The following DPYD variants were observed in gnomAD, a reference collection of about 807,000 sequenced individuals.
The protein encoded by DPYD is dihydropyrimidine dehydrogenase [NADP(+)].
DPYD carries 109 observed loss-of-function variants against 116.2 expected under a neutral mutation model. That is an observed-to-expected ratio of 0.94 (90% CI 0.80 to 1.10). DPYD has a LOEUF of 1.10. Ranked by LOEUF, DPYD falls within the 50% of genes least tolerant of loss-of-function variation. The pLI, the probability that DPYD is intolerant of heterozygous loss-of-function variation, is 0.00. For synonymous variants in DPYD, 440 were observed against 432.0 expected, an observed-to-expected ratio of 1.02 and a Z score of -0.23; for missense variants, 1,302 against 1,254.5, an observed-to-expected ratio of 1.04 and a Z score of -0.57.
chr1:97,540,499 C>A (rs899154123), intron 12 of DPYD, among the ~76,000 whole-genome samples: 1 of 152,184 alleles, frequency 6.6e-6, no homozygotes, highest in African/African-American at 2.4e-5. Flanking sequence ...GCCCCCAGAG[C>A]AGAAGCTTCT....
intron 16 of DPYD, among the ~76,000 whole-genome samples, chr1:97,363,107 A>G (rs898348799): frequency 4.6e-5 from 7 of 152,200 alleles, no homozygotes; most frequent in African/African-American, 1.4e-4. Flanking sequence ...AATTTACAAG[A>G]AAAAAACATA....
intron 18 of DPYD, among the ~76,000 whole-genome samples, chr1:97,245,183 C>T (rs866028670): frequency 6.6e-6 from 1 of 152,068 alleles, no homozygotes; most frequent in African/African-American, 2.4e-5. Context: ...ATTTTACAGA[C>T]ATGGAAATTC....
In DPYD at chr1:97,911,462, C is replaced by T. The variant is rs72981729; in HGVS notation, c.39+9422G>A. Among the ~76,000 whole-genome samples, 969 of 152,104 alleles carry T rather than the reference C, an allele frequency of 6.4e-3. 7 individuals carry two copies. The highest frequency in any genetic ancestry group is 0.022 in the African/African-American group (914 of 41,506). ...TTAAAATGTAGCAAAAATCAAGAGTCATTTTGGTTGGCACACCCAAGGAAG... is the reference window on the plus strand; with the variant it reads ...TTAAAATGTAGCAAAAATCAAGAGTTATTTTGGTTGGCACACCCAAGGAAG... On this transcript the variant is annotated intron_variant, in intron 1 of 22. Transcript: ENST00000370192.
At chr1:97,113,077 C>A (rs1221838000) in intron 20 of DPYD, among the ~76,000 whole-genome samples, 5 of 152,130 alleles carry the variant, frequency 3.3e-5, no homozygotes, top group Non-Finnish European at 5.9e-5. Flanking sequence ...GTTTTCAGAA[C>A]ATTGTGGTCA....
At chr1:97,618,651 G>A (rs185064940) in intron 8 of DPYD, among the ~76,000 whole-genome samples, 2 of 152,220 alleles carry the variant, frequency 1.3e-5, no homozygotes, top group East Asian at 3.9e-4. Context: ...GCCAGTCTAT[G>A]GCTACACAAC....
At chr1:97,843,820 G>T (rs2101542053) in intron 2 of DPYD, among the ~76,000 whole-genome samples, 1 of 152,130 alleles carries the variant, frequency 6.6e-6, no homozygotes, top group African/African-American at 2.4e-5. Context: ...CTAGGCATCT[G>T]CCCTCATAAG....
rs1388320355 is a variant in DPYD at position 97,548,611 on chromosome 1, C to G, written c.1524+949G>C. Among the ~76,000 whole-genome samples, 15 of 152,174 alleles carry G rather than the reference C, an allele frequency of 9.9e-5. No homozygotes were observed. In the East Asian group the frequency reaches 2.1e-3, roughly 22 times the overall value. On this transcript the variant is annotated intron_variant, in intron 12 of 22. Coordinates refer to ENST00000370192, the MANE Select transcript of DPYD (RefSeq NM_000110.4). ...AATTAGCTGGGTGTGGTGGCATGAACCTATAGTCCCAGCTACTCAGGGGCT... is the reference window on the plus strand; with the variant it reads ...AATTAGCTGGGTGTGGTGGCATGAAGCTATAGTCCCAGCTACTCAGGGGCT...
intron 4 of DPYD, among the ~76,000 whole-genome samples, chr1:97,724,914 A>G (rs931846041): frequency 9.5e-5 from 14 of 147,716 alleles, no homozygotes; most frequent in Non-Finnish European, 1.7e-4. Flanking sequence ...AGAGATAGAG[A>G]AGAAGAGAGA....
intron 20 of DPYD, among the ~76,000 whole-genome samples, chr1:97,160,200 A>G (rs1304265500): frequency 6.6e-6 from 1 of 152,132 alleles, no homozygotes; most frequent in African/African-American, 2.4e-5. Flanking sequence ...TCTTATTTAA[A>G]GGACATGGAA....
chr1:97,483,322 G>T (rs1570809445), intron 13 of DPYD, among the ~76,000 whole-genome samples: 1 of 152,168 alleles, frequency 6.6e-6, no homozygotes, highest in Non-Finnish European at 1.5e-5. Context: ...ACGCTCTCCA[G>T]TTGCTTCCTG....
chr1:97,708,661 A>G (rs1050624950), intron 5 of DPYD, among the ~76,000 whole-genome samples: 1 of 152,044 alleles, frequency 6.6e-6, no homozygotes, highest in South Asian at 2.1e-4. Context: ...CAGTTTGTCA[A>G]TATCTATAAA....
In DPYD at chr1:97,434,795, A is replaced by C. The variant is rs191090618; in HGVS notation, c.1905+15264T>G. Among the ~76,000 whole-genome samples the C allele has an allele frequency of 3.5e-3, 526 of 152,194 alleles. 6 individuals carry two copies. The highest frequency in any genetic ancestry group is 4.2e-3 in the Non-Finnish European group (283 of 67,918). ...AGAAAATACAGTTTCTTAGCAGAAC[A>C]GTGGGGACTGTGTGGTCAGATGTTC... On this transcript the variant is annotated intron_variant, in intron 14 of 22. Transcript: ENST00000370192.
At chr1:97,226,308 T>C (rs1661157510) in intron 19 of DPYD, among the ~76,000 whole-genome samples, 1 of 152,154 alleles carries the variant, frequency 6.6e-6, no homozygotes, top group African/African-American at 2.4e-5. Flanking sequence ...GTTGAAAGCT[T>C]TTCTTCTAAT....
In DPYD at chr1:97,799,207, A is replaced by AC. The variant is rs776207834; in HGVS notation, c.233+28906dup. On this transcript the variant is annotated intron_variant, in intron 3 of 22. Transcript: ENST00000370192. ...CCTGTACACTGTTCCACAGTGGTAC[A>AC]CCTCCTCTAGCCCTATAGAATGCAA... 3.9e-5 allele frequency among the ~76,000 whole-genome samples: 6 copies of AC among 152,000 alleles called. No homozygotes were observed. The East Asian group carries it at 7.7e-4, about 20-fold the overall frequency.
chr1:97,579,247 T>C (rs1486253503), intron 10 of DPYD, among the ~76,000 whole-genome samples: 2 of 152,192 alleles, frequency 1.3e-5, no homozygotes, highest in Non-Finnish European at 2.9e-5. Flanking sequence ...TCTATCAAAA[T>C]GATTGGCACA....
At chr1:97,163,090 A>G (rs1656051533) in intron 20 of DPYD, among the ~76,000 whole-genome samples, 2 of 151,694 alleles carry the variant, frequency 1.3e-5, no homozygotes, top group South Asian at 4.2e-4. Context: ...TCATGTCTAA[A>G]ACACCAAAAG....
chr1:97,473,480 G>A (rs892937190), intron 13 of DPYD, among the ~76,000 whole-genome samples: 5 of 152,076 alleles, frequency 3.3e-5, no homozygotes, highest in African/African-American at 1.2e-4. Context: ...CAAATGACTC[G>A]AATAGAGATT....
intron 4 of DPYD, 93 bp from the exon 5 acceptor site, chr1:97,721,764 C>G (rs1425575621): frequency 3.3e-6 from 4 of 1,226,302 alleles, no homozygotes; most frequent in Non-Finnish European, 4.7e-6. Context: ...ACTAGGTAAT[C>G]AGATTGAAGA....
chr1:97,366,666 C>T (rs1671058225), intron 16 of DPYD, among the ~76,000 whole-genome samples: 1 of 152,140 alleles, frequency 6.6e-6, no homozygotes, highest in African/African-American at 2.4e-5. Context: ...TCTCCACATA[C>T]ATAGCTCATA....
Sources: gnomAD v4.1 joint callset for allele counts (sites outside exome capture counted in the v4.1 genomes callset) on GRCh38, gnomAD v4.1.1 for gene constraint, MANE v1.5 for transcripts, NCBI Gene and HGNC (gene_info 2026-07-23, HGNC 2026-07-21) for gene names.